AXDND1: variants seen among roughly 807,000 people sequenced by gnomAD.
AXDND1 encodes the protein axonemal dynein light chain domain containing 1.
Under a neutral mutation model 137.5 loss-of-function variants are expected in AXDND1, and 110 were observed. That is an observed-to-expected ratio of 0.80 (90% confidence interval 0.69 to 0.94). The LOEUF (loss-of-function observed/expected upper bound fraction) is 0.94, where lower values mean the gene tolerates loss of function less well. Ranked by LOEUF, AXDND1 falls within the 40% of genes least tolerant of loss-of-function variation. AXDND1 has a pLI of 0.00. For synonymous variants in AXDND1, 414 were observed against 399.7 expected (o/e 1.04, Z -0.43); for missense variants, 1,191 against 1,169.8 (o/e 1.02, Z -0.26).
At chr1:179,517,528 G>A (rs529035531) in intron 21 of AXDND1, among the ~76,000 whole-genome samples, 12 of 152,330 alleles carry the variant, frequency 7.9e-5, no homozygotes, top group East Asian at 7.7e-4. Context: ...TCCTTGGGGC[G>A]TTTTCCCCTG....
At position 179,372,935 on chromosome 1, in the gene AXDND1, G is replaced by A. The variant is rs545103313; in HGVS notation, c.374+2857G>A. On this transcript the variant is annotated intron_variant, in intron 4 of 25. Transcript: ENST00000367618. ...TGACCTCAGGTGATCCACCCGCCTC[G>A]GCCTCTCAAAGTGCTGGGATTATAG... 6.6e-5 allele frequency among the ~76,000 whole-genome samples: 10 copies of A among 152,116 alleles called. No individual in the cohort carries two copies. In the South Asian group the frequency reaches 1.7e-3, roughly 25 times the overall value.
intron 21 of AXDND1, 128 bp from the exon 22 acceptor site, chr1:179,525,206 A>G: frequency 1.1e-6 from 1 of 923,966 alleles, no homozygotes; most frequent in Non-Finnish European, 1.5e-6. Context: ...GACTATTCTT[A>G]TCAACCTTTG....
intron 9 of AXDND1, among the ~76,000 whole-genome samples, chr1:179,388,485 G>A (rs768471807): frequency 6.6e-5 from 10 of 151,988 alleles, no homozygotes; most frequent in Non-Finnish European, 1.3e-4. Context: ...TCTTGTCTCT[G>A]TCCTACATTT....
At chr1:179,428,030 A>C (rs976665989) in intron 12 of AXDND1, among the ~76,000 whole-genome samples, 1 of 152,222 alleles carries the variant, frequency 6.6e-6, no homozygotes, top group Admixed American at 6.5e-5. Flanking sequence ...ATGATTCTCA[A>C]AACAATGCTG....
intron 2 of AXDND1, among the ~76,000 whole-genome samples, chr1:179,368,060 C>G: frequency 6.7e-6 from 1 of 149,758 alleles, no homozygotes; most frequent in Non-Finnish European, 1.5e-5. Context: ...GTAATCAAAG[C>G]ATGATACCTC....
chr1:179,535,590 A>T (rs1423654206), intron 25 of AXDND1, among the ~76,000 whole-genome samples: 1 of 152,188 alleles, frequency 6.6e-6, no homozygotes, highest in Non-Finnish European at 1.5e-5. Flanking sequence ...TCCATGGTGT[A>T]TATGTGCCAC....
chr1:179,468,801 A>C, intron 17 of AXDND1, 160 bp downstream of exon 17: 2 of 519,142 alleles, frequency 3.9e-6, no homozygotes, highest in Non-Finnish European at 6.3e-6. Context: ...AGAATATTTC[A>C]TCACCTCAAA....
intron 25 of AXDND1, among the ~76,000 whole-genome samples, chr1:179,541,834 G>A (rs576925854): frequency 2.4e-4 from 36 of 152,068 alleles, no homozygotes; most frequent in African/African-American, 6.7e-4. Context: ...AACAACCTAC[G>A]TGTTCAATCA....
chr1:179,399,714 T>C (rs947311499), intron 11 of AXDND1, among the ~76,000 whole-genome samples: 1 of 151,986 alleles, frequency 6.6e-6, no homozygotes, highest in Admixed American at 6.6e-5. Context: ...TACAATGAAC[T>C]CAAACAAATC....
intron 11 of AXDND1, among the ~76,000 whole-genome samples, chr1:179,401,298 T>C (rs1652010715): frequency 6.6e-6 from 1 of 151,006 alleles, no homozygotes; most frequent in Admixed American, 6.6e-5. Context: ...CCTATTTCAG[T>C]AAATTTTTAC....
At position 179,483,112 on chromosome 1, in the gene AXDND1, T is replaced by C. The variant is rs769500949; in HGVS notation, c.1998-16T>C. 1.1e-5 allele frequency: 17 copies of C among 1,520,820 alleles called. No homozygotes were observed. Among genetic ancestry groups the C allele is most frequent in the Non-Finnish European group, 1.5e-5 (17 of 1,113,406 alleles). 94.2% of individuals were successfully genotyped at this position (1,520,820 alleles called of 1,614,324 possible). On this transcript the variant is annotated splice_polypyrimidine_tract_variant and intron_variant, in intron 17 of 25. Transcript: ENST00000367618. Reference sequence around the variant, plus strand: ...AATCAGCCAGTCACTTTTATTTTACTTGATTTTTCCTTCAGGGTACTCCAA... The same window carrying C: ...AATCAGCCAGTCACTTTTATTTTACCTGATTTTTCCTTCAGGGTACTCCAA...
At position 179,478,271 on chromosome 1, in the gene AXDND1, C is replaced by T. The variant is rs556125028; in HGVS notation, c.1998-4857C>T. On this transcript the variant is annotated intron_variant, in intron 17 of 25. Coordinates refer to ENST00000367618, the MANE Select transcript of AXDND1 (RefSeq NM_144696.6). ...TGGGGACTCTGTGTGGGGGTGCCCA[C>T]CTCACATTTCCCTTCTGCACTGCCC... 2.6e-5 allele frequency among the ~76,000 whole-genome samples: 4 copies of T among 152,336 alleles called. No individual in the cohort carries two copies. In the East Asian group the frequency reaches 5.8e-4, roughly 22 times the overall value.
rs11809095 is a variant in AXDND1, at chr1:179,478,694, T to A, written c.1998-4434T>A. ...CATTAACATTTGGCTCCTCATTACT[T>A]ATGCAGATTTCTGCAGCTGTCTTCA... is the stretch of plus-strand genomic sequence containing the variant. On this transcript the variant is annotated intron_variant, in intron 17 of 25. Coordinates refer to ENST00000367618, the MANE Select transcript of AXDND1 (RefSeq NM_144696.6). 4.1e-4 allele frequency among the ~76,000 whole-genome samples: 62 copies of A among 152,354 alleles called. 3 individuals carry two copies. The East Asian group carries it at 0.011, about 27-fold the overall frequency.
intron 4 of AXDND1, among the ~76,000 whole-genome samples, chr1:179,370,775 T>C (rs1667961032): frequency 6.6e-6 from 1 of 152,136 alleles, no homozygotes; most frequent in Admixed American, 6.5e-5. Flanking sequence ...CTTGAGTAGG[T>C]TATTTAGTCT....
At chr1:179,456,996 CT>C in intron 16 of AXDND1, 1 of 1,569,638 alleles carries the variant, frequency 6.4e-7, no homozygotes, top group Non-Finnish European at 8.7e-7. Flanking sequence ...TCAGTGTCTT[CT>C]TTAATGCCAC....
At chr1:179,411,356 G>C in intron 12 of AXDND1, 90 bp downstream of exon 12, 1 of 1,526,068 alleles carries the variant, frequency 6.6e-7, no homozygotes, top group South Asian at 1.2e-5. Context: ...GTTTTGTTTT[G>C]TTTTGAAAGA....
chr1:179,372,360 T>G (rs1025543528), intron 4 of AXDND1, among the ~76,000 whole-genome samples: 5 of 152,188 alleles, frequency 3.3e-5, no homozygotes, highest in African/African-American at 1.2e-4. Flanking sequence ...TATGAGGAAG[T>G]ACCTGTGCGA....
intron 24 of AXDND1, 24 bp from the exon 25 acceptor site, chr1:179,534,706 G>A: frequency 1.9e-6 from 3 of 1,553,358 alleles, no homozygotes; most frequent in Non-Finnish European, 1.7e-6. Context: ...TTTCTATTTT[G>A]TTGTGTCTTC....
At chr1:179,445,247 G>T in intron 16 of AXDND1, 43 bp downstream of exon 16, 1 of 1,243,800 alleles carries the variant, frequency 8.0e-7, no homozygotes, top group Non-Finnish European at 1.1e-6. Context: ...GGTATAAAAT[G>T]TTTCCACAAT....
Sources: allele counts gnomAD v4.1 joint callset (sites outside exome capture counted in the v4.1 genomes callset), GRCh38; gene constraint gnomAD v4.1.1; transcripts MANE v1.5; gene names NCBI Gene and HGNC (gene_info 2026-07-23, HGNC 2026-07-21).